YAF2: variants seen among roughly 807,000 people sequenced by gnomAD.
YAF2 encodes the protein YY1-associated factor 2.
YAF2 carries 7 observed loss-of-function variants against 20.1 expected under a neutral mutation model. The observed-to-expected ratio is 0.35, with a 90% CI of 0.20 to 0.65. The LOEUF (loss-of-function observed/expected upper bound fraction) is 0.65. YAF2 is among the 30% of genes least tolerant of loss of function. YAF2 has a pLI of 0.69. For missense variants in YAF2, 151 were observed against 219.2 expected (o/e 0.69, Z 1.96); for synonymous variants, 74 against 76.0 (o/e 0.97, Z 0.14).
At chr12:42,200,286 A>T (rs912729067) in intron 2 of YAF2, among the ~76,000 whole-genome samples, 1 of 152,212 alleles carries the variant, frequency 6.6e-6, no homozygotes, top group Non-Finnish European at 1.5e-5. Flanking sequence ...GGATAGAGAA[A>T]CAAGGAAGAA....
chr12:42,223,320 T>C (rs2067578835), intron 2 of YAF2, among the ~76,000 whole-genome samples: 1 of 145,876 alleles, frequency 6.9e-6, no homozygotes, highest in African/African-American at 2.6e-5. Flanking sequence ...CAGCAGTTTC[T>C]TTAAAATACA....
chr12:42,186,045 G>T (rs1272720903), intron 2 of YAF2, among the ~76,000 whole-genome samples: 1 of 151,712 alleles, frequency 6.6e-6, no homozygotes, highest in African/African-American at 2.4e-5. Context: ...TACAAAATTA[G>T]CTAGGCATGG....
rs1461710490 is a variant in YAF2 at position 42,160,218 on chromosome 12, T to C, written c.*371A>G. On this transcript the variant is annotated 3_prime_UTR_variant, in exon 4 of 4. Transcript: ENST00000534854. The stretch of plus-strand genomic sequence containing the variant: ...TTCACAATTCTCAAATAATACATAT[T>C]TAGGCAGCTTGCACTATGTTATAAA... The C allele has an allele frequency of 1.6e-5, 3 of 191,718 alleles. No individual in the cohort carries two copies. The Admixed American group carries it at 1.6e-4, about 10-fold the overall frequency. The allele number at this position is 191,718 out of a possible 1,614,324, so 11.9% of individuals were successfully genotyped here. A position where few individuals can be genotyped will look rare whatever the true frequency, so the allele number is the denominator to read the frequency against.
chr12:42,167,262 A>G (rs1270840164), intron 2 of YAF2, among the ~76,000 whole-genome samples: 1 of 152,218 alleles, frequency 6.6e-6, no homozygotes, highest in Non-Finnish European at 1.5e-5. Context: ...TCTATGTAAC[A>G]AACCTGCATG....
intron 2 of YAF2, among the ~76,000 whole-genome samples, chr12:42,198,794 G>A (rs920539998): frequency 6.6e-6 from 1 of 152,024 alleles, no homozygotes; most frequent in African/African-American, 2.4e-5. Flanking sequence ...GACATCTGAG[G>A]TGCCTTTATT....
chr12:42,227,861 C>A (rs1291152481), intron 2 of YAF2, among the ~76,000 whole-genome samples: 1 of 143,148 alleles, frequency 7.0e-6, no homozygotes, highest in Non-Finnish European at 1.5e-5. Context: ...GTCAGCCCCC[C>A]GCCCCGCCAG....
At chr12:42,179,816 A>G (rs7973396) in intron 2 of YAF2, among the ~76,000 whole-genome samples, 1 of 149,802 alleles carries the variant, frequency 6.7e-6, no homozygotes, top group Non-Finnish European at 1.5e-5. Context: ...AAAAGAAATC[A>G]GTAGTATTAA....
chr12:42,172,495 G>A (rs978123357), intron 2 of YAF2, among the ~76,000 whole-genome samples: 1 of 152,126 alleles, frequency 6.6e-6, no homozygotes, highest in African/African-American at 2.4e-5. Flanking sequence ...AAGCCAACAT[G>A]AGACCTGAAT....
At chr12:42,237,957 C>T (rs1376810643) in intron 1 of YAF2, among the ~76,000 whole-genome samples, 198 bp downstream of exon 1, 1 of 148,578 alleles carries the variant, frequency 6.7e-6, no homozygotes, top group Non-Finnish European at 1.5e-5. Context: ...CGGGCGGCCG[C>T]TCCGGTCGCC....
intron 2 of YAF2, among the ~76,000 whole-genome samples, chr12:42,228,855 C>T (rs2067879604): frequency 1.5e-5 from 1 of 64,878 alleles, no homozygotes; most frequent in Non-Finnish European, 2.6e-5. Context: ...TGCCCGGCCA[C>T]CCCTACTGGG....
rs542202076 is a variant in YAF2 at position 42,184,467 on chromosome 12, G to A, written c.153-22702C>T. Among the ~76,000 whole-genome samples the A allele has an allele frequency of 3.3e-4, 50 of 152,118 alleles. 1 individual carries two copies. The South Asian group carries it at 8.3e-3, about 25-fold the overall frequency. On this transcript the variant is annotated intron_variant, in intron 2 of 3. Transcript: ENST00000534854. ...TGGGACTACAGGCATGTGCCACCAC[G>A]CCTGGCTAATTTTTATATTTTTAGT...
At chr12:42,232,667 A>G (rs967466310) in intron 2 of YAF2, 3 of 985,416 alleles carry the variant, frequency 3.0e-6, no homozygotes, top group Non-Finnish European at 3.6e-6. Flanking sequence ...TCCTACACCA[A>G]AAGTCTAGAA....
intron 2 of YAF2, among the ~76,000 whole-genome samples, chr12:42,207,924 A>C (rs2067099816): frequency 6.6e-6 from 1 of 152,072 alleles, no homozygotes; most frequent in Non-Finnish European, 1.5e-5. Flanking sequence ...AAGTTTATTC[A>C]TAAATCTATA....
intron 2 of YAF2, among the ~76,000 whole-genome samples, chr12:42,221,916 G>C (rs1317056865): frequency 6.6e-6 from 1 of 152,120 alleles, no homozygotes; most frequent in Non-Finnish European, 1.5e-5. Flanking sequence ...TATCATTAAG[G>C]TTTCAAGTAA....
At chr12:42,165,384 G>A (rs955592203) in intron 2 of YAF2, among the ~76,000 whole-genome samples, 8 of 152,306 alleles carry the variant, frequency 5.3e-5, no homozygotes, top group Admixed American at 5.2e-4. Context: ...CTTTAAAAGA[G>A]AGTAAACCCA....
intron 2 of YAF2, among the ~76,000 whole-genome samples, chr12:42,194,005 C>T (rs545571775): frequency 2.6e-5 from 4 of 152,172 alleles, no homozygotes; most frequent in South Asian, 2.1e-4. Flanking sequence ...ATGGAGAAAG[C>T]ACACAGAATA....
At chr12:42,211,762 AAGTC>A (rs1323049840) in intron 2 of YAF2, among the ~76,000 whole-genome samples, 3 of 151,460 alleles carry the variant, frequency 2.0e-5, no homozygotes, top group Non-Finnish European at 2.9e-5. Flanking sequence ...AAAAAAAAAA[AAGTC>A]AGCCAGGCAC....
At chr12:42,206,921 C>A (rs900246743) in intron 2 of YAF2, among the ~76,000 whole-genome samples, 13 of 152,038 alleles carry the variant, frequency 8.6e-5, no homozygotes, top group African/African-American at 2.9e-4. Flanking sequence ...GACCCATATA[C>A]CTTCTACCCA....
chr12:42,161,498 T>A, intron 3 of YAF2, 115 bp downstream of exon 3: 1 of 1,214,766 alleles, frequency 8.2e-7, no homozygotes, highest in Non-Finnish European at 1.1e-6. Flanking sequence ...TGATACCTTA[T>A]AATAAAGGAG....
Sources: allele counts gnomAD v4.1 joint callset (sites outside exome capture counted in the v4.1 genomes callset), GRCh38; gene constraint gnomAD v4.1.1; transcripts MANE v1.5; gene names NCBI Gene and HGNC (gene_info 2026-07-23, HGNC 2026-07-21).